Variants in NRP1 observed in about 807,000 individuals in gnomAD.
NRP1 encodes the protein neuropilin 1, also known as neuropilin-1.
NRP1 carries 35 observed loss-of-function variants against 106.7 expected under a neutral mutation model. The observed-to-expected ratio is 0.33, with a 90% CI of 0.25 to 0.43. The LOEUF is 0.43. Among genes scored for constraint, NRP1 ranks in the 20% least tolerant of loss-of-function variants. NRP1 has a pLI of 1.00. For missense variants in NRP1, 1,024 were observed against 1,170.4 expected, an observed-to-expected ratio of 0.87 and a Z score of 1.83; for synonymous variants, 437 against 417.9, an observed-to-expected ratio of 1.05 and a Z score of -0.56.
chr10:33,202,966 C>T lies in NRP1; in HGVS notation c.1789G>A (p.Gly597Arg), dbSNP rs141633354. ...TCATCACATTCATCCACCAAGTTCC[C>T]GTTGGGAGTGGTCGGTCCAGCTGTA... is the stretch of plus-strand genomic sequence containing the variant. ...APTAGPTTPN[G>R]NLVDECDDDQ... is the part of the protein sequence containing the mutation. The change falls in exon 11 of 17, where the codon GGG becomes AGG. Residue 597 changes from glycine to arginine, a missense_variant. By Grantham distance (125) the Gly-to-Arg change is moderately radical. Coordinates refer to ENST00000374867, the MANE Select transcript of NRP1 (RefSeq NM_003873.7). The T allele has an allele frequency of 2.8e-5, 45 of 1,613,930 alleles. No homozygotes were observed. The highest frequency in any genetic ancestry group is 1.9e-4 in the South Asian group (17 of 91,046).
chr10:33,223,880 G>A (rs1307743068), intron 7 of NRP1, among the ~76,000 whole-genome samples: 3 of 152,200 alleles, frequency 2.0e-5, no homozygotes, highest in African/African-American at 7.2e-5. Context: ...CCAGAAGTCT[G>A]GCAGGAGAGT....
chr10:33,274,244 G>C (rs961825893), intron 2 of NRP1, among the ~76,000 whole-genome samples: 1 of 152,168 alleles, frequency 6.6e-6, no homozygotes, highest in South Asian at 2.1e-4. Context: ...TAGAATCCAC[G>C]CTCCTCAAGC....
At chr10:33,180,668 C>G (rs1835629424) in intron 16 of NRP1, among the ~76,000 whole-genome samples, 1 of 152,172 alleles carries the variant, frequency 6.6e-6, no homozygotes, top group South Asian at 2.1e-4. Flanking sequence ...GTTTACAGTC[C>G]TTGGCTAGAT....
chr10:33,221,675 A>C (rs182069005), intron 8 of NRP1, 44 bp downstream of exon 8: 41 of 1,587,320 alleles, frequency 2.6e-5, no homozygotes, highest in Admixed American at 5.0e-5. Flanking sequence ...AAACAAGACA[A>C]TCTTCGACTT....
intron 2 of NRP1, among the ~76,000 whole-genome samples, chr10:33,289,087 T>G (rs1367390219): frequency 1.3e-5 from 2 of 152,186 alleles, no homozygotes; most frequent in Non-Finnish European, 1.5e-5. Context: ...CTATTTTATA[T>G]TCATACTTTT....
At chr10:33,320,311 T>TA (rs1847405613) in intron 2 of NRP1, among the ~76,000 whole-genome samples, 2 of 149,460 alleles carry the variant, frequency 1.3e-5, no homozygotes, top group South Asian at 2.1e-4. Context: ...TACTCCGTCT[T>TA]TAAAAAAAAA....
At chr10:33,217,832 G>C (rs1016758110) in intron 8 of NRP1, among the ~76,000 whole-genome samples, 1 of 152,162 alleles carries the variant, frequency 6.6e-6, no homozygotes, top group African/African-American at 2.4e-5. Flanking sequence ...ATGGAGGATT[G>C]AGGTCGTTAT....
intron 4 of NRP1, among the ~76,000 whole-genome samples, chr10:33,259,361 T>C (rs567982680): frequency 4.6e-5 from 7 of 152,158 alleles, no homozygotes; most frequent in Non-Finnish European, 1.0e-4. Context: ...CAAAGAAGTA[T>C]TGAATTTTCC....
At chr10:33,294,015 A>G (rs1845196823) in intron 2 of NRP1, among the ~76,000 whole-genome samples, 1 of 152,226 alleles carries the variant, frequency 6.6e-6, no homozygotes, top group Non-Finnish European at 1.5e-5. Flanking sequence ...TTACATTACT[A>G]TTGAACAATG....
At chr10:33,188,278 T>C (rs1468869789) in intron 13 of NRP1, among the ~76,000 whole-genome samples, 1 of 152,176 alleles carries the variant, frequency 6.6e-6, no homozygotes, top group Non-Finnish European at 1.5e-5. Context: ...TTATTGAGGC[T>C]AGTCAGAGAA....
At chr10:33,304,408 T>C (rs1377274156) in intron 2 of NRP1, among the ~76,000 whole-genome samples, 2 of 152,190 alleles carry the variant, frequency 1.3e-5, no homozygotes, top group African/African-American at 4.8e-5. Context: ...TCTCTGTCAG[T>C]CAACCCTGTC....
intron 13 of NRP1, among the ~76,000 whole-genome samples, chr10:33,186,821 T>C (rs966072091): frequency 1.4e-5 from 2 of 145,966 alleles, no homozygotes; most frequent in African/African-American, 2.6e-5. Context: ...AGTCTGTGCA[T>C]AGACTGGACT....
At chr10:33,300,809 C>T (rs1053964799) in intron 2 of NRP1, among the ~76,000 whole-genome samples, 1 of 152,176 alleles carries the variant, frequency 6.6e-6, no homozygotes, top group African/African-American at 2.4e-5. Flanking sequence ...TTCGAGTTCT[C>T]CTGCCCTTTC....
At chr10:33,251,920 A>G (rs1050019733) in intron 6 of NRP1, among the ~76,000 whole-genome samples, 10 of 152,042 alleles carry the variant, frequency 6.6e-5, no homozygotes, top group African/African-American at 2.4e-4. Flanking sequence ...CAGGGTAGAG[A>G]AAGGAGAGTC....
intron 2 of NRP1, among the ~76,000 whole-genome samples, chr10:33,311,544 ACTATCG>A (rs1234456049): frequency 6.6e-6 from 1 of 152,162 alleles, no homozygotes; most frequent in African/African-American, 2.4e-5. Flanking sequence ...TGTCTCTATC[ACTATCG>A]CTATCAGCTG....
chr10:33,263,498 C>G (rs1275032129), intron 4 of NRP1, 148 bp downstream of exon 4: 1 of 598,656 alleles, frequency 1.7e-6, no homozygotes, highest in Non-Finnish European at 2.9e-6. Flanking sequence ...TATTTCATCA[C>G]TGCTCTGAAT....
chr10:33,254,212 G>GC lies in NRP1; in HGVS notation c.815-19dup, dbSNP rs764819808. The stretch of plus-strand genomic sequence containing the variant: ...TTTGAAATCTGAAGGGAAAAACAGG[G>GC]CCCACAGTCATCAAAATATAGGGGA... On this transcript the variant is annotated intron_variant, in intron 5 of 16. Transcript: ENST00000374867. The GC allele has an allele frequency of 1.3e-6, 2 of 1,588,528 alleles. No homozygotes were observed. Among genetic ancestry groups the GC allele is most frequent in the South Asian group, 2.3e-5 (2 of 86,674 alleles).
intron 2 of NRP1, among the ~76,000 whole-genome samples, chr10:33,313,442 T>C (rs182467491): frequency 6.6e-6 from 1 of 152,144 alleles, no homozygotes; most frequent in Non-Finnish European, 1.5e-5. Context: ...TTACACATTG[T>C]AGGCCTGTAT....
chr10:33,260,893 G>T (rs1473616757), intron 4 of NRP1, among the ~76,000 whole-genome samples: 1 of 146,944 alleles, frequency 6.8e-6, no homozygotes, highest in Non-Finnish European at 1.5e-5. Flanking sequence ...TGTTGTTTTT[G>T]GAAAGGATAT....
Sources: allele counts gnomAD v4.1 joint callset (sites outside exome capture counted in the v4.1 genomes callset), GRCh38; gene constraint gnomAD v4.1.1; transcripts MANE v1.5; gene names NCBI Gene and HGNC (gene_info 2026-07-23, HGNC 2026-07-21).